Variants in HS6ST3 observed in about 807,000 individuals in gnomAD.
HS6ST3 encodes heparan-sulfate 6-O-sulfotransferase 3.
A neutral mutation model predicts 36.7 loss-of-function variants in HS6ST3; 12 were observed. That is an observed-to-expected ratio of 0.33 (90% CI 0.21 to 0.53). The LOEUF is 0.53. Ranked by LOEUF, HS6ST3 falls within the 20% of genes least tolerant of loss-of-function variation. HS6ST3 has a pLI of 0.95. For missense variants in HS6ST3, 584 were observed against 640.9 expected (o/e 0.91, Z 0.96); for synonymous variants, 240 against 257.5 (o/e 0.93, Z 0.65).
chr13:96,246,872 A>G (rs2054587202), intron 1 of HS6ST3, among the ~76,000 whole-genome samples: 1 of 152,176 alleles, frequency 6.6e-6, no homozygotes, highest in South Asian at 2.1e-4. Context: ...GACAGGCTTC[A>G]AAAATAAGTT....
intron 1 of HS6ST3, among the ~76,000 whole-genome samples, chr13:96,532,570 T>C (rs2056139910): frequency 6.6e-6 from 1 of 152,234 alleles, no homozygotes; most frequent in Admixed American, 6.5e-5. Context: ...ATGCTTGACC[T>C]GAACTTCAGG....
intron 1 of HS6ST3, among the ~76,000 whole-genome samples, chr13:96,114,248 C>G (rs2053883653): frequency 6.6e-6 from 1 of 151,954 alleles, no homozygotes; most frequent in African/African-American, 2.4e-5. Context: ...AACTCCTGGG[C>G]CCAAGTGATC....
intron 1 of HS6ST3, among the ~76,000 whole-genome samples, chr13:96,623,095 A>C (rs1566413840): frequency 1.3e-5 from 2 of 152,144 alleles, no homozygotes; most frequent in Admixed American, 6.5e-5. Context: ...CACATAGTGA[A>C]CTTTTTTCAT....
chr13:96,127,312 G>A (rs1045614775), intron 1 of HS6ST3, among the ~76,000 whole-genome samples: 12 of 152,310 alleles, frequency 7.9e-5, no homozygotes, highest in East Asian at 5.8e-4. Flanking sequence ...GTTGGAGGTC[G>A]GGGGATGGTT....
In HS6ST3 at chr13:96,155,739, T is replaced by A. The variant is rs377600661; in HGVS notation, c.707+64170T>A. Reference sequence around the variant, plus strand: ...GTTTATCTTGATCTGCAATTTATCATACTATTTTTCTGTCAAAATATATGA... The same window carrying A: ...GTTTATCTTGATCTGCAATTTATCAAACTATTTTTCTGTCAAAATATATGA... On this transcript the variant is annotated intron_variant, in intron 1 of 1. Coordinates refer to ENST00000376705, the MANE Select transcript of HS6ST3 (RefSeq NM_153456.4). 7.8e-4 allele frequency among the ~76,000 whole-genome samples: 119 copies of A among 152,368 alleles called. 1 individual carries two copies. Among genetic ancestry groups the A allele is most frequent in the African/African-American group, 2.5e-3 (106 of 41,588 alleles).
chr13:96,480,175 A>G (rs929653828), intron 1 of HS6ST3, among the ~76,000 whole-genome samples: 3 of 152,154 alleles, frequency 2.0e-5, no homozygotes, highest in Admixed American at 6.5e-5. Context: ...GCGCGGTGGC[A>G]TGATTTCGGC....
chr13:96,676,163 T>G (rs2056698245), intron 1 of HS6ST3, among the ~76,000 whole-genome samples: 2 of 152,210 alleles, frequency 1.3e-5, no homozygotes, highest in South Asian at 4.1e-4. Context: ...TTCTTACAAT[T>G]CTGGATGCTG....
intron 1 of HS6ST3, among the ~76,000 whole-genome samples, chr13:96,267,527 T>C (rs1174638248): frequency 6.6e-6 from 1 of 152,206 alleles, no homozygotes; most frequent in African/African-American, 2.4e-5. Flanking sequence ...CTCCTGATTA[T>C]TTGAATGTCC....
intron 1 of HS6ST3, among the ~76,000 whole-genome samples, chr13:96,656,022 T>G (rs2056623596): frequency 6.6e-6 from 1 of 152,168 alleles, no homozygotes; most frequent in African/African-American, 2.4e-5. Flanking sequence ...AATTAGATGA[T>G]GTATAAAACA....
chr13:96,100,272 A>T (rs2053811790), intron 1 of HS6ST3, among the ~76,000 whole-genome samples: 2 of 152,102 alleles, frequency 1.3e-5, no homozygotes, highest in African/African-American at 2.4e-5. Flanking sequence ...AAGTGCTACT[A>T]ATGTATATTT....
intron 1 of HS6ST3, among the ~76,000 whole-genome samples, chr13:96,130,106 A>G (rs1005051512): frequency 6.6e-6 from 1 of 152,258 alleles, no homozygotes; most frequent in Non-Finnish European, 1.5e-5. Flanking sequence ...ATTCCCACCA[A>G]AAATGAGAAT....
intron 1 of HS6ST3, among the ~76,000 whole-genome samples, chr13:96,283,090 G>A (rs1019009696): frequency 6.6e-6 from 1 of 152,170 alleles, no homozygotes; most frequent in Admixed American, 6.5e-5. Flanking sequence ...CAGACTCAAT[G>A]TTTGTTTCTG....
At chr13:96,370,633 C>T (rs1256970895) in intron 1 of HS6ST3, among the ~76,000 whole-genome samples, 1 of 152,126 alleles carries the variant, frequency 6.6e-6, no homozygotes, top group Non-Finnish European at 1.5e-5. Context: ...CATTATTGGC[C>T]AGGTGTGGTG....
At chr13:96,327,447 C>A (rs1003958893) in intron 1 of HS6ST3, among the ~76,000 whole-genome samples, 2 of 152,028 alleles carry the variant, frequency 1.3e-5, no homozygotes, top group African/African-American at 4.8e-5. Context: ...ATCCTTTCCC[C>A]ATTGCTTGTT....
chr13:96,453,562 T>C (rs1292621100), intron 1 of HS6ST3, among the ~76,000 whole-genome samples: 1 of 152,224 alleles, frequency 6.6e-6, no homozygotes, highest in Admixed American at 6.5e-5. Flanking sequence ...AACCAGGCCG[T>C]GCCTCAATAT....
intron 1 of HS6ST3, among the ~76,000 whole-genome samples, chr13:96,139,775 T>G (rs1238162042): frequency 6.6e-6 from 1 of 152,022 alleles, no homozygotes; most frequent in Non-Finnish European, 1.5e-5. Context: ...ATTGCCTACC[T>G]TGTGTTAGTA....
chr13:96,464,019 GTTTTTTTTTT>G (rs66703746), intron 1 of HS6ST3, among the ~76,000 whole-genome samples: 9 of 127,386 alleles, frequency 7.1e-5, no homozygotes, highest in Non-Finnish European at 1.1e-4. Flanking sequence ...CCATAGACAG[GTTTTTTTTTT>G]TTTTTTTTTT....
chr13:96,654,049 G>A (rs1416115556), intron 1 of HS6ST3, among the ~76,000 whole-genome samples: 2 of 152,100 alleles, frequency 1.3e-5, no homozygotes, highest in Non-Finnish European at 1.5e-5. Flanking sequence ...ACTTTTTAAT[G>A]GGGTTGTTTG....
intron 1 of HS6ST3, among the ~76,000 whole-genome samples, chr13:96,570,023 A>G (rs1594809074): frequency 6.6e-6 from 1 of 152,236 alleles, no homozygotes; most frequent in Non-Finnish European, 1.5e-5. Flanking sequence ...GAAGGGATGT[A>G]TAAATAAAAC....
Sources: gnomAD v4.1 joint callset for allele counts (sites outside exome capture counted in the v4.1 genomes callset) on GRCh38, gnomAD v4.1.1 for gene constraint, MANE v1.5 for transcripts, NCBI Gene and HGNC (gene_info 2026-07-23, HGNC 2026-07-21) for gene names.